The following MSI2 variants were observed in gnomAD, a reference collection of about 807,000 sequenced individuals.
MSI2 encodes the protein RNA-binding protein Musashi homolog 2.
Under a neutral mutation model 45.6 loss-of-function variants are expected in MSI2, and 17 were observed. The observed-to-expected ratio is 0.37, with a 90% CI of 0.26 to 0.56. MSI2 has a LOEUF of 0.56. Among genes scored for constraint, MSI2 ranks in the 20% least tolerant of loss-of-function variants. MSI2 has a pLI of 0.77. For synonymous variants in MSI2, 156 were observed against 158.2 expected (o/e 0.99, Z 0.11); for missense variants, 293 against 444.2 (o/e 0.66, Z 3.06).
intron 13 of MSI2, among the ~76,000 whole-genome samples, chr17:57,677,623 A>C (rs577409065): frequency 6.6e-6 from 1 of 152,266 alleles, no homozygotes; most frequent in Non-Finnish European, 1.5e-5. Flanking sequence ...CGTTTTTGCC[A>C]GTAACTACTG....
chr17:57,316,322 CTTT>C (rs35543887), intron 5 of MSI2, among the ~76,000 whole-genome samples: 21 of 140,218 alleles, frequency 1.5e-4, no homozygotes, highest in Non-Finnish European at 1.7e-4. Flanking sequence ...GTTATTGCTA[CTTT>C]TTTTTTTTTT....
At chr17:57,386,845 T>C (rs1383829255) in intron 5 of MSI2, among the ~76,000 whole-genome samples, 1 of 152,226 alleles carries the variant, frequency 6.6e-6, no homozygotes, top group Non-Finnish European at 1.5e-5. Flanking sequence ...AGGGAATGAT[T>C]AAGTGTTGTT....
chr17:57,387,567 T>C (rs953826945), intron 5 of MSI2, among the ~76,000 whole-genome samples: 2 of 152,202 alleles, frequency 1.3e-5, no homozygotes, highest in Non-Finnish European at 1.5e-5. Flanking sequence ...GACACTGCCT[T>C]GTGTTGAGGT....
intron 7 of MSI2, among the ~76,000 whole-genome samples, chr17:57,575,129 C>T (rs1190729852): frequency 3.3e-5 from 5 of 150,720 alleles, no homozygotes; most frequent in East Asian, 3.9e-4. Context: ...TGTGCCCGGC[C>T]GCATTCTCTT....
intron 5 of MSI2, among the ~76,000 whole-genome samples, chr17:57,336,189 A>T (rs193236958): frequency 6.6e-6 from 1 of 152,264 alleles, no homozygotes; most frequent in East Asian, 1.9e-4. Context: ...GATTCCAGCT[A>T]TGTCTTGAAG....
chr17:57,486,203 C>T (rs1598322831), intron 6 of MSI2, among the ~76,000 whole-genome samples: 1 of 152,240 alleles, frequency 6.6e-6, no homozygotes. Flanking sequence ...ATTTTTTCCC[C>T]TAGCAAATGC....
chr17:57,456,704 A>G (rs1397582801), intron 6 of MSI2, among the ~76,000 whole-genome samples: 1 of 152,190 alleles, frequency 6.6e-6, no homozygotes, highest in Non-Finnish European at 1.5e-5. Context: ...TCAGGGCACA[A>G]CTGGGGCTAA....
At chr17:57,293,112 T>TAA (rs377673393) in intron 5 of MSI2, among the ~76,000 whole-genome samples, 1 of 144,356 alleles carries the variant, frequency 6.9e-6, no homozygotes, top group Non-Finnish European at 1.5e-5. Flanking sequence ...TCATTAAGGT[T>TAA]AAAAAAAAAA....
At chr17:57,477,429 G>A (rs1303913093) in intron 6 of MSI2, among the ~76,000 whole-genome samples, 2 of 152,098 alleles carry the variant, frequency 1.3e-5, no homozygotes, top group Non-Finnish European at 2.9e-5. Context: ...GACGCCCTGC[G>A]CTGCTCCTGA....
chr17:57,317,708 G>C (rs983187127), intron 5 of MSI2, among the ~76,000 whole-genome samples: 1 of 152,068 alleles, frequency 6.6e-6, no homozygotes, highest in African/African-American at 2.4e-5. Flanking sequence ...ATAAGGCAGA[G>C]AAAGAAGTCA....
At chr17:57,437,274 A>G (rs545064118) in intron 6 of MSI2, among the ~76,000 whole-genome samples, 55 of 152,286 alleles carry the variant, frequency 3.6e-4, no homozygotes, top group Admixed American at 3.1e-3. Context: ...GACACCTCCA[A>G]TCCCTTTGGA....
chr17:57,539,559 G>A (rs545882037), intron 7 of MSI2, among the ~76,000 whole-genome samples: 1 of 19,244 alleles, frequency 5.2e-5, no homozygotes, highest in African/African-American at 2.7e-4. Context: ...AGGAACGGTG[G>A]CACGTGCCTG....
intron 6 of MSI2, among the ~76,000 whole-genome samples, chr17:57,414,391 G>T (rs1469120563): frequency 7.0e-6 from 1 of 143,820 alleles, no homozygotes; most frequent in Non-Finnish European, 1.5e-5. Flanking sequence ...GTAAAATTAG[G>T]ATTTTTTTTT....
At chr17:57,563,772 A>G (rs1207770461) in intron 7 of MSI2, among the ~76,000 whole-genome samples, 1 of 151,090 alleles carries the variant, frequency 6.6e-6, no homozygotes, top group African/African-American at 2.4e-5. Flanking sequence ...ACACACACAC[A>G]CACACACACA....
intron 7 of MSI2, among the ~76,000 whole-genome samples, chr17:57,534,482 C>T (rs1418396474): frequency 1.3e-5 from 2 of 152,084 alleles, no homozygotes; most frequent in South Asian, 2.1e-4. Context: ...GAGGCCGAGG[C>T]GGGTGGATCA....
At chr17:57,470,183 A>G (rs780573162) in intron 6 of MSI2, among the ~76,000 whole-genome samples, 6 of 152,186 alleles carry the variant, frequency 3.9e-5, no homozygotes, top group Admixed American at 6.5e-5. Flanking sequence ...CCAGTAAAGT[A>G]TAAGCTCCTT....
chr17:57,632,580 G>C (rs1001465755), intron 10 of MSI2: 3 of 1,066,702 alleles, frequency 2.8e-6, no homozygotes, highest in Non-Finnish European at 3.4e-6. Context: ...AGTAGGAGGG[G>C]GTGGAACACA....
chr17:57,306,096 A>G (rs1205833049), intron 5 of MSI2, among the ~76,000 whole-genome samples: 1 of 152,000 alleles, frequency 6.6e-6, no homozygotes, highest in Non-Finnish European at 1.5e-5. Context: ...TACAGAGTAG[A>G]GAGAAGCCTG....
chr17:57,527,184 G>A (rs1420600254), intron 6 of MSI2, among the ~76,000 whole-genome samples: 1 of 152,182 alleles, frequency 6.6e-6, no homozygotes, highest in Non-Finnish European at 1.5e-5. Flanking sequence ...ATAAGGATTT[G>A]GCAAAAGTCT....
Sources: allele counts gnomAD v4.1 joint callset (sites outside exome capture counted in the v4.1 genomes callset), GRCh38; gene constraint gnomAD v4.1.1; transcripts MANE v1.5; gene names NCBI Gene and HGNC (gene_info 2026-07-23, HGNC 2026-07-21).